ST7L: variants seen among roughly 807,000 people sequenced by gnomAD.
ST7L encodes the protein suppressor of tumorigenicity 7 protein-like.
In ST7L, 57 loss-of-function variants were observed where a neutral mutation model predicts 72.5. That is an observed-to-expected ratio of 0.79 (90% CI 0.64 to 0.98). The LOEUF is 0.98. Among genes scored for constraint, ST7L ranks in the 50% least tolerant of loss-of-function variants. ST7L has a pLI of 0.00. For synonymous variants in ST7L, 221 were observed against 240.9 expected, an observed-to-expected ratio of 0.92 and a Z score of 0.77; for missense variants, 576 against 672.2, an observed-to-expected ratio of 0.86 and a Z score of 1.58.
At chr1:112,568,627 G>A (rs571043117) in intron 11 of ST7L, among the ~76,000 whole-genome samples, 97 of 150,890 alleles carry the variant, frequency 6.4e-4, no homozygotes, top group African/African-American at 2.1e-3. Flanking sequence ...GAGCCACTGC[G>A]CCTGGCCAAT....
chr1:112,554,774 T>G (rs1170800457), intron 12 of ST7L, among the ~76,000 whole-genome samples: 1 of 152,226 alleles, frequency 6.6e-6, no homozygotes, highest in Non-Finnish European at 1.5e-5. Context: ...AAAAATGTGA[T>G]ATATACATAC....
intron 2 of ST7L, among the ~76,000 whole-genome samples, chr1:112,613,423 G>A (rs369265701): frequency 2.6e-5 from 4 of 152,156 alleles, no homozygotes; most frequent in African/African-American, 7.2e-5. Flanking sequence ...CACATCACTG[G>A]TAACTGGCAG....
chr1:112,610,298 T>G (rs1172615748), intron 3 of ST7L, among the ~76,000 whole-genome samples: 1 of 152,110 alleles, frequency 6.6e-6, no homozygotes, highest in Non-Finnish European at 1.5e-5. Flanking sequence ...AAGTAAAAAC[T>G]ACATTTGGAG....
At chr1:112,585,237 A>G (rs1415501275) in intron 6 of ST7L, among the ~76,000 whole-genome samples, 3 of 152,212 alleles carry the variant, frequency 2.0e-5, no homozygotes, top group Non-Finnish European at 4.4e-5. Context: ...CATCTCTTCT[A>G]CAGACAATAT....
intron 11 of ST7L, among the ~76,000 whole-genome samples, chr1:112,557,735 AC>A (rs1427854279): frequency 6.6e-6 from 1 of 152,182 alleles, no homozygotes; most frequent in East Asian, 1.9e-4. Flanking sequence ...GGATGAGTGG[AC>A]TGGGGAGTGA....
intron 5 of ST7L, among the ~76,000 whole-genome samples, chr1:112,595,337 C>T (rs1360180775): frequency 7.2e-6 from 1 of 139,858 alleles, no homozygotes; most frequent in South Asian, 2.2e-4. Flanking sequence ...TGCACTCCAG[C>T]CTGGGCAACA....
chr1:112,573,302 C>G (rs1234305540), intron 11 of ST7L, among the ~76,000 whole-genome samples: 3 of 138,760 alleles, frequency 2.2e-5, no homozygotes, highest in African/African-American at 7.9e-5. Flanking sequence ...GAGCCGAGAT[C>G]GCGCCATTGC....
intron 11 of ST7L, among the ~76,000 whole-genome samples, chr1:112,556,997 A>AAC (rs1659297042): frequency 2.8e-5 from 4 of 142,666 alleles, no homozygotes; most frequent in African/African-American, 1.2e-4. Flanking sequence ...AAAAAAAAAA[A>AAC]ACACAAAGAA....
chr1:112,539,948 G>A, intron 14 of ST7L: 11 of 985,286 alleles, frequency 1.1e-5, no homozygotes, highest in Non-Finnish European at 1.3e-5. Context: ...CCATCAACTA[G>A]AAAAGCAGTA....
At chr1:112,566,101 C>T (rs1660973198) in intron 11 of ST7L, among the ~76,000 whole-genome samples, 2 of 151,916 alleles carry the variant, frequency 1.3e-5, no homozygotes, top group Non-Finnish European at 2.9e-5. Flanking sequence ...AAGCACTTCA[C>T]ATACATTATC....
At chr1:112,613,326 C>G (rs1369628564) in intron 2 of ST7L, among the ~76,000 whole-genome samples, 1 of 141,954 alleles carries the variant, frequency 7.0e-6, no homozygotes, top group Non-Finnish European at 1.6e-5. Flanking sequence ...CACATTATGC[C>G]AATCCTTGAC....
At chr1:112,521,623 C>T (rs1249312758), downstream of ST7L, 1 of 152,228 alleles carries the variant, frequency 6.6e-6, no homozygotes, top group African/African-American at 2.4e-5. Flanking sequence ...AGAAGGCAGC[C>T]TTCCTCCACT....
At chr1:112,549,853 C>G (rs1657811464) in intron 13 of ST7L, among the ~76,000 whole-genome samples, 1 of 152,008 alleles carries the variant, frequency 6.6e-6, no homozygotes, top group African/African-American at 2.4e-5. Context: ...CAACAGATAT[C>G]CTTGTCTTAT....
At chr1:112,537,800 C>T (rs1452356949) in intron 14 of ST7L, among the ~76,000 whole-genome samples, 5 of 152,184 alleles carry the variant, frequency 3.3e-5, no homozygotes, top group Non-Finnish European at 7.3e-5. Flanking sequence ...GTTTTCATCT[C>T]AGCCAGGAGA....
At chr1:112,567,645 T>C (rs918414161) in intron 11 of ST7L, among the ~76,000 whole-genome samples, 3 of 152,134 alleles carry the variant, frequency 2.0e-5, no homozygotes, top group Admixed American at 6.6e-5. Flanking sequence ...GTGAAAAAAA[T>C]TCATGATTCC....
chr1:112,574,625 C>G (rs775430373), intron 11 of ST7L, among the ~76,000 whole-genome samples: 2 of 150,740 alleles, frequency 1.3e-5, no homozygotes, highest in Non-Finnish European at 2.9e-5. Context: ...CGCCACTGCA[C>G]TCCAGCCTGG....
chr1:112,590,637 T>C lies in ST7L; in HGVS notation c.701+888A>G, dbSNP rs188337070. Among the ~76,000 whole-genome samples the C allele has an allele frequency of 1.4e-4, 21 of 152,318 alleles. No homozygotes were observed. The East Asian group carries it at 4.0e-3, about 29-fold the overall frequency. ...CCATATTTTCACTCTTGGTATTTATTTAGTCTGCATTAGATTAGTATTTAT... is the reference window on the plus strand; with the variant it reads ...CCATATTTTCACTCTTGGTATTTATCTAGTCTGCATTAGATTAGTATTTAT... On this transcript the variant is annotated intron_variant, in intron 6 of 14. Coordinates refer to ENST00000358039, the MANE Select transcript of ST7L (RefSeq NM_017744.5).
chr1:112,575,100 G>A (rs1166776958), intron 11 of ST7L, among the ~76,000 whole-genome samples: 9 of 152,116 alleles, frequency 5.9e-5, no homozygotes, highest in South Asian at 2.1e-4. Flanking sequence ...TTAGCTGGGC[G>A]TGGTGGCGCG....
chr1:112,569,906 C>T (rs1255707992), intron 11 of ST7L, among the ~76,000 whole-genome samples: 1 of 140,492 alleles, frequency 7.1e-6, no homozygotes, highest in Non-Finnish European at 1.5e-5. Context: ...TGCAGTGAGC[C>T]GAGATAGCAC....
Sources: allele counts gnomAD v4.1 joint callset (sites outside exome capture counted in the v4.1 genomes callset), GRCh38; gene constraint gnomAD v4.1.1; transcripts MANE v1.5; gene names NCBI Gene and HGNC (gene_info 2026-07-23, HGNC 2026-07-21).